VGLL4: variants seen among roughly 807,000 people sequenced by gnomAD.
The protein encoded by VGLL4 is vestigial like family member 4.
In VGLL4, 7 loss-of-function variants were observed where a neutral mutation model predicts 21.0. That is an observed-to-expected ratio of 0.33 (90% CI 0.19 to 0.63). The LOEUF (loss-of-function observed/expected upper bound fraction) is 0.63. Ranked by LOEUF, VGLL4 falls within the 20% of genes least tolerant of loss-of-function variation. The probability of loss-of-function intolerance (pLI) is 0.78; values close to 1 mark genes in which losing one functional copy is unlikely to be tolerated. For synonymous variants in VGLL4, 222 were observed against 173.2 expected, an observed-to-expected ratio of 1.28 and a Z score of -2.21; for missense variants, 394 against 425.7, an observed-to-expected ratio of 0.93 and a Z score of 0.66.
intron 2 of VGLL4, among the ~76,000 whole-genome samples, chr3:11,583,680 C>T (rs1261581664): frequency 2.6e-5 from 4 of 152,192 alleles, no homozygotes; most frequent in African/African-American, 7.2e-5. Context: ...ACTCTCGTCA[C>T]GATGACGATG....
At chr3:11,629,247 C>T (rs1040982792) in intron 1 of VGLL4, among the ~76,000 whole-genome samples, 2 of 151,978 alleles carry the variant, frequency 1.3e-5, no homozygotes, top group Non-Finnish European at 2.9e-5. Context: ...CAATCTTTTC[C>T]TATTCTTTAT....
chr3:11,649,397 T>C (rs1400558124), intron 2 of VGLL4, among the ~76,000 whole-genome samples: 1 of 152,194 alleles, frequency 6.6e-6, no homozygotes, highest in African/African-American at 2.4e-5. Context: ...ATAGTGCCCA[T>C]CTTTGAATGG....
rs563562825 is a variant in VGLL4 at position 11,631,308 on chromosome 3, T to C, written c.82+12129A>G. Among the ~76,000 whole-genome samples the C allele has an allele frequency of 3.3e-5, 5 of 152,160 alleles. No homozygotes were observed. The South Asian group carries it at 1.0e-3, about 32-fold the overall frequency. Reference sequence around the variant, plus strand: ...CCCCAATCAAAAAGACTATTAACAATAAATACAGAATAATGGAGGCCAAAG... The same window carrying C: ...CCCCAATCAAAAAGACTATTAACAACAAATACAGAATAATGGAGGCCAAAG... On this transcript the variant is annotated intron_variant, in intron 1 of 4. Coordinates refer to ENST00000430365, the MANE Select transcript of VGLL4 (RefSeq NM_001128219.3).
intron 2 of VGLL4, among the ~76,000 whole-genome samples, chr3:11,660,746 A>T (rs1168160814): frequency 6.6e-6 from 1 of 152,208 alleles, no homozygotes; most frequent in Non-Finnish European, 1.5e-5. Context: ...GAACTTGGGC[A>T]TAAACTCAAC....
intron 1 of VGLL4, among the ~76,000 whole-genome samples, chr3:11,628,179 G>A (rs1051680432): frequency 7.2e-5 from 11 of 151,736 alleles, no homozygotes; most frequent in Admixed American, 5.3e-4. Flanking sequence ...ACCTGAGTTC[G>A]GGAATTCGAG....
chr3:11,616,483 G>A (rs2616558), intron 1 of VGLL4, among the ~76,000 whole-genome samples: 7,297 of 152,272 alleles, frequency 0.048, 285 homozygotes, highest in South Asian at 0.16. Flanking sequence ...AGGCTCCAGG[G>A]ATAAGCCCTG....
At chr3:11,620,845 C>A (rs2075253589) in intron 1 of VGLL4, among the ~76,000 whole-genome samples, 1 of 152,134 alleles carries the variant, frequency 6.6e-6, no homozygotes, top group Non-Finnish European at 1.5e-5. Flanking sequence ...TGAATGTACA[C>A]GTAGGATGTC....
upstream of VGLL4, chr3:11,721,040 C>T (rs1173273886): frequency 6.6e-6 from 1 of 152,176 alleles, no homozygotes; most frequent in Non-Finnish European, 1.5e-5. Context: ...ACTGGACTTC[C>T]TCTGGTTTGC....
intron 1 of VGLL4, among the ~76,000 whole-genome samples, chr3:11,714,134 T>C (rs1039194080): frequency 2.1e-4 from 32 of 152,140 alleles, no homozygotes; most frequent in African/African-American, 6.8e-4. Context: ...CCCGGTGAGG[T>C]ACATCTATAC....
intron 2 of VGLL4, among the ~76,000 whole-genome samples, chr3:11,586,928 C>T (rs1169374520): frequency 1.3e-5 from 2 of 152,232 alleles, no homozygotes; most frequent in East Asian, 3.8e-4. Flanking sequence ...AAATGAAAGT[C>T]ACAAGGGAAG....
chr3:11,626,790 C>A (rs561162800), intron 1 of VGLL4, among the ~76,000 whole-genome samples: 1 of 152,226 alleles, frequency 6.6e-6, no homozygotes, highest in Non-Finnish European at 1.5e-5. Flanking sequence ...GAAGGCAAAG[C>A]CAGTCTTCCT....
intron 2 of VGLL4, among the ~76,000 whole-genome samples, chr3:11,576,703 C>G (rs1193018680): frequency 6.6e-6 from 1 of 152,218 alleles, no homozygotes; most frequent in Non-Finnish European, 1.5e-5. Flanking sequence ...GTCCTGTTCT[C>G]CCTGCTGCTT....
At chr3:11,622,934 T>C (rs2075291211) in intron 1 of VGLL4, among the ~76,000 whole-genome samples, 1 of 152,252 alleles carries the variant, frequency 6.6e-6, no homozygotes, top group South Asian at 2.1e-4. Context: ...TTACGCTTCC[T>C]TGGGCTGTTC....
At chr3:11,583,156 C>G (rs578072803) in intron 2 of VGLL4, among the ~76,000 whole-genome samples, 6 of 152,332 alleles carry the variant, frequency 3.9e-5, no homozygotes, top group African/African-American at 1.4e-4. Flanking sequence ...AAACAAGACC[C>G]TGATATACCC....
At chr3:11,714,804 G>T (rs1019586954) in intron 1 of VGLL4, among the ~76,000 whole-genome samples, 1 of 152,136 alleles carries the variant, frequency 6.6e-6, no homozygotes, top group East Asian at 1.9e-4. Flanking sequence ...GTGCTAAAGC[G>T]ACACATATTC....
At position 11,670,868 on chromosome 3, in the gene VGLL4, C is replaced by T. The variant is rs567175732; in HGVS notation, c.64+32103G>A. Among the ~76,000 whole-genome samples, 12 of 152,020 alleles carry T rather than the reference C, an allele frequency of 7.9e-5. No individual in the cohort carries two copies. In the South Asian group the frequency reaches 1.2e-3, roughly 16 times the overall value. ...GCCTGGCCAACATGATGAAACCCCA[C>T]CTCTACTAAAAATACAAAATTAGCA... On this transcript the variant is annotated intron_variant, in intron 2 of 5. Coordinates refer to the VGLL4 transcript ENST00000273038.
intron 1 of VGLL4, among the ~76,000 whole-genome samples, chr3:11,717,635 CCGG>C (rs1369940914): frequency 6.6e-6 from 1 of 151,852 alleles, no homozygotes; most frequent in East Asian, 1.9e-4. Flanking sequence ...AACACCGCGC[CCGG>C]CCCAGAACAT....
At chr3:11,688,623 C>T (rs1305907140) in intron 2 of VGLL4, among the ~76,000 whole-genome samples, 2 of 152,014 alleles carry the variant, frequency 1.3e-5, no homozygotes, top group African/African-American at 4.8e-5. Context: ...TTAATGAATT[C>T]ACCAAAGGTT....
At chr3:11,663,579 G>C (rs151251487) in intron 2 of VGLL4, among the ~76,000 whole-genome samples, 2 of 152,106 alleles carry the variant, frequency 1.3e-5, no homozygotes, top group African/African-American at 4.8e-5. Flanking sequence ...TTAGCCAGGC[G>C]TGGTGGTGGG....
Sources: allele counts gnomAD v4.1 joint callset (sites outside exome capture counted in the v4.1 genomes callset), GRCh38; gene constraint gnomAD v4.1.1; transcripts MANE v1.5; gene names NCBI Gene and HGNC (gene_info 2026-07-23, HGNC 2026-07-21).